Variants in MCTP1 observed in about 807,000 individuals in gnomAD.
MCTP1 encodes the protein multiple C2 and transmembrane domain-containing protein 1.
MCTP1 carries 69 observed loss-of-function variants against 120.6 expected under a neutral mutation model. The ratio of observed to expected loss-of-function variants is 0.57; its 90% confidence interval spans 0.47 to 0.70. The LOEUF is 0.70. Among genes scored for constraint, MCTP1 ranks in the 30% least tolerant of loss-of-function variants. The pLI is 0.00. For missense variants in MCTP1, 1,203 were observed against 1,248.8 expected, an observed-to-expected ratio of 0.96 and a Z score of 0.55; for synonymous variants, 529 against 493.1, an observed-to-expected ratio of 1.07 and a Z score of -0.96.
intron 1 of MCTP1, among the ~76,000 whole-genome samples, chr5:95,231,340 A>G (rs958908778): frequency 4.0e-5 from 6 of 151,280 alleles, no homozygotes; most frequent in African/African-American, 1.5e-4. Flanking sequence ...GGATAAGGAT[A>G]TATATATATA....
chr5:94,817,269 G>C (rs755176520), intron 17 of MCTP1, among the ~76,000 whole-genome samples: 5 of 152,136 alleles, frequency 3.3e-5, no homozygotes, highest in African/African-American at 1.2e-4. Flanking sequence ...TGGGTGTGGT[G>C]GCATGCCGCA....
intron 1 of MCTP1, among the ~76,000 whole-genome samples, chr5:95,045,333 G>T (rs1338427933): frequency 6.6e-6 from 1 of 152,110 alleles, no homozygotes; most frequent in Non-Finnish European, 1.5e-5. Flanking sequence ...TCACAGTTTG[G>T]AAATACCATA....
At chr5:95,016,398 T>A (rs149090746) in intron 2 of MCTP1, among the ~76,000 whole-genome samples, 103 of 152,266 alleles carry the variant, frequency 6.8e-4, no homozygotes, top group African/African-American at 2.3e-3. Context: ...TACTCTAGTA[T>A]TATATTAAAT....
intron 7 of MCTP1, among the ~76,000 whole-genome samples, chr5:94,922,846 G>A (rs1406447292): frequency 1.3e-5 from 2 of 152,122 alleles, no homozygotes; most frequent in African/African-American, 4.8e-5. Flanking sequence ...CAATTTAAAA[G>A]CACTCATCCT....
chr5:94,802,617 G>A (rs930246031), intron 17 of MCTP1, among the ~76,000 whole-genome samples: 2 of 152,098 alleles, frequency 1.3e-5, no homozygotes, highest in African/African-American at 2.4e-5. Flanking sequence ...AGAGAAATAA[G>A]GCAGCTGGAA....
intron 18 of MCTP1, among the ~76,000 whole-genome samples, chr5:94,781,408 T>C (rs1041900956): frequency 1.3e-5 from 2 of 152,158 alleles, no homozygotes; most frequent in African/African-American, 4.8e-5. Flanking sequence ...GAATGCATCA[T>C]CTACCCTTCA....
chr5:94,707,584 CAGAGGAA>C lies in MCTP1; in HGVS notation c.2929-24_2929-18del. 1 of 1,600,340 alleles carries C rather than the reference CAGAGGAA, an allele frequency of 6.2e-7. No individual in the cohort carries two copies. Among genetic ancestry groups the C allele is most frequent in the Non-Finnish European group, 8.6e-7 (1 of 1,168,508 alleles). On this transcript the variant is annotated intron_variant, in intron 22 of 22. Coordinates refer to ENST00000515393, the MANE Select transcript of MCTP1 (RefSeq NM_024717.7). ...GTATTGCACCTGTTTAAACAGAGTT[CAGAGGAA>C]GACTGGTCAGGTGGCCACTTTCTGG...
chr5:94,945,233 A>G (rs564252987), intron 3 of MCTP1, among the ~76,000 whole-genome samples: 8 of 152,286 alleles, frequency 5.3e-5, no homozygotes, highest in African/African-American at 1.9e-4. Context: ...AACATTAGGT[A>G]ACAGGTAGAA....
Position 94,940,100 on chromosome 5 carries a change from C to T in MCTP1, c.1157G>A (p.Gly386Glu), listed in dbSNP as rs775027596. 2 of 1,603,006 alleles carry T rather than the reference C, an allele frequency of 1.2e-6. No individual in the cohort carries two copies. The highest frequency in any genetic ancestry group is 2.2e-5 in the South Asian group (2 of 90,192). Residue 386 changes from glycine (G) to glutamate (E), a missense_variant, in exon 5 of 23, where the codon GGA (glycine) becomes GAA (glutamate). Transcript: ENST00000515393. ...LLSVILTPKE[G>E]ESRDVTMLMR... ...GGAACTTACCACATCCCTGGACTCT[C>T]CTTCTTTAGGGGTAAGGATGACTGA...
intron 1 of MCTP1, among the ~76,000 whole-genome samples, chr5:95,247,888 C>T (rs2152692048): frequency 6.6e-6 from 1 of 152,234 alleles, no homozygotes; most frequent in East Asian, 1.9e-4. Flanking sequence ...GTATAGAGTT[C>T]TGTAGATATC....
intron 1 of MCTP1, among the ~76,000 whole-genome samples, chr5:95,210,920 T>A (rs199782408): frequency 0.061 from 9,222 of 152,130 alleles, 356 homozygotes; most frequent in East Asian, 0.11. Context: ...ATTTTATTTC[T>A]CCTTCACTTA....
intron 20 of MCTP1, 31 bp from the exon 21 acceptor site, chr5:94,710,958 G>T: frequency 7.1e-7 from 1 of 1,414,142 alleles, no homozygotes; most frequent in South Asian, 1.2e-5. Context: ...TCAGCAATCT[G>T]AGTACTTCAT....
intron 1 of MCTP1, among the ~76,000 whole-genome samples, chr5:95,235,320 T>G (rs1286167656): frequency 6.6e-6 from 1 of 151,690 alleles, no homozygotes; most frequent in Non-Finnish European, 1.5e-5. Flanking sequence ...CTCCCTCAAT[T>G]TAATAAAAGA....
intron 1 of MCTP1, among the ~76,000 whole-genome samples, chr5:95,121,480 A>G (rs530089399): frequency 3.9e-5 from 6 of 152,098 alleles, no homozygotes; most frequent in African/African-American, 1.4e-4. Context: ...TATAAAACAC[A>G]GAATGCAAGA....
chr5:95,213,336 A>G (rs1406306586), intron 1 of MCTP1, among the ~76,000 whole-genome samples: 2 of 152,254 alleles, frequency 1.3e-5, no homozygotes, highest in African/African-American at 2.4e-5. Flanking sequence ...AAGGAGAACT[A>G]CAAACCACTG....
At chr5:94,888,078 G>T (rs1384593588) in intron 12 of MCTP1, among the ~76,000 whole-genome samples, 10 of 152,130 alleles carry the variant, frequency 6.6e-5, no homozygotes, top group Admixed American at 6.5e-4. Flanking sequence ...TGCACAAATG[G>T]TCAAGCCAGT....
At chr5:94,729,355 C>A (rs1332512615) in intron 19 of MCTP1, among the ~76,000 whole-genome samples, 1 of 152,066 alleles carries the variant, frequency 6.6e-6, no homozygotes, top group Non-Finnish European at 1.5e-5. Context: ...GGGTGCTTGG[C>A]AGTACAATAT....
chr5:94,853,436 C>T (rs1238870943), intron 17 of MCTP1, among the ~76,000 whole-genome samples: 1 of 151,928 alleles, frequency 6.6e-6, no homozygotes, highest in Non-Finnish European at 1.5e-5. Flanking sequence ...TATGATGTTT[C>T]ATTATGCAGA....
chr5:94,928,209 AACACACACACAC>A (rs60502360), intron 6 of MCTP1, among the ~76,000 whole-genome samples: 15 of 148,414 alleles, frequency 1.0e-4, no homozygotes, highest in Non-Finnish European at 1.5e-4. Context: ...TCTAGGTTAA[AACACACACACAC>A]ACACACACAC....
Sources: allele counts gnomAD v4.1 joint callset (sites outside exome capture counted in the v4.1 genomes callset), GRCh38; gene constraint gnomAD v4.1.1; transcripts MANE v1.5; gene names NCBI Gene and HGNC (gene_info 2026-07-23, HGNC 2026-07-21).